ANKRD55: variants seen among roughly 807,000 people sequenced by gnomAD.
ANKRD55 encodes ankyrin repeat domain 55, also known as ankyrin repeat domain-containing protein 55.
ANKRD55 carries 41 observed loss-of-function variants against 60.6 expected under a neutral mutation model. That is an observed-to-expected ratio of 0.68 (90% CI 0.53 to 0.88). ANKRD55 has a LOEUF of 0.88. Among genes scored for constraint, ANKRD55 ranks in the 40% least tolerant of loss-of-function variants. ANKRD55 has a pLI of 0.00. For synonymous variants in ANKRD55, 264 were observed against 290.3 expected (o/e 0.91, Z 0.92); for missense variants, 732 against 767.6 (o/e 0.95, Z 0.55).
At chr5:56,128,741 C>A (rs953784083) in intron 7 of ANKRD55, among the ~76,000 whole-genome samples, 1 of 152,106 alleles carries the variant, frequency 6.6e-6, no homozygotes, top group Non-Finnish European at 1.5e-5. Context: ...TATTATTGTC[C>A]TCATATTGTA....
intron 2 of ANKRD55, among the ~76,000 whole-genome samples, chr5:56,229,723 T>C (rs10428644): frequency 0.039 from 5,977 of 152,260 alleles, 151 homozygotes; most frequent in African/African-American, 0.074. Context: ...CTGAAGGTCC[T>C]TCTGCATCAT....
chr5:56,114,417 C>T (rs1756829380), intron 9 of ANKRD55: 1 of 152,402 alleles, frequency 6.6e-6, no homozygotes, highest in Non-Finnish European at 1.5e-5. Context: ...TAGCCAATGA[C>T]AAAAGTCTAG....
At chr5:56,115,340 A>G (rs1281331987) in intron 9 of ANKRD55, among the ~76,000 whole-genome samples, 1 of 141,066 alleles carries the variant, frequency 7.1e-6, no homozygotes, top group Admixed American at 7.1e-5. Flanking sequence ...TTTTTTTTTG[A>G]GACGGTCTTG....
At chr5:56,117,539 C>T (rs113929638) in intron 8 of ANKRD55, among the ~76,000 whole-genome samples, 17,631 of 152,038 alleles carry the variant, frequency 0.12, 1,662 homozygotes, top group African/African-American at 0.25. Context: ...CTGCAACCTT[C>T]GCCTCCCAGG....
At chr5:56,192,863 C>G in intron 2 of ANKRD55, 1 of 664,312 alleles carries the variant, frequency 1.5e-6, no homozygotes, top group Non-Finnish European at 2.6e-6. Context: ...AAAGGCCAAA[C>G]ATGTCAAAGC....
intron 2 of ANKRD55, among the ~76,000 whole-genome samples, chr5:56,228,785 G>A (rs1760178172): frequency 6.6e-6 from 1 of 152,140 alleles, no homozygotes; most frequent in African/African-American, 2.4e-5. Context: ...ATAAATTTCT[G>A]TTGTTTTAAG....
intron 4 of ANKRD55, among the ~76,000 whole-genome samples, chr5:56,171,455 C>T (rs140361995): frequency 2.6e-5 from 4 of 152,316 alleles, no homozygotes; most frequent in South Asian, 2.1e-4. Context: ...GTCTCCTCCT[C>T]GGTCAACATT....
intron 4 of ANKRD55, among the ~76,000 whole-genome samples, chr5:56,173,562 CTCTCTCTCTCTCTCTCTCTCTATATATA>C (rs1561280788): frequency 3.4e-5 from 4 of 118,242 alleles, no homozygotes; most frequent in African/African-American, 1.4e-4. Flanking sequence ...CTCTCTCTCT[CTCTCTCTCTCTCTCTCTCTCTATATATA>C]TATATATATA....
chr5:56,114,999 G>A (rs1756843204), intron 9 of ANKRD55, among the ~76,000 whole-genome samples: 1 of 151,870 alleles, frequency 6.6e-6, no homozygotes, highest in Non-Finnish European at 1.5e-5. Context: ...AGCCTGGGTA[G>A]CATAGTGAGG....
chr5:56,159,461 TAA>T (rs138795262), intron 6 of ANKRD55, among the ~76,000 whole-genome samples: 9 of 141,828 alleles, frequency 6.3e-5, no homozygotes, highest in South Asian at 2.2e-4. Context: ...AACTCCATCT[TAA>T]AAAAAAAAAA....
chr5:56,111,905 C>T, intron 9 of ANKRD55, 123 bp from the exon 10 acceptor site: 3 of 901,444 alleles, frequency 3.3e-6, no homozygotes, highest in Non-Finnish European at 4.6e-6. Context: ...TCCTAGATAC[C>T]TCCAAAGCCT....
intron 5 of ANKRD55, chr5:56,161,999 C>G: frequency 1.0e-6 from 1 of 985,240 alleles, no homozygotes; most frequent in East Asian, 1.1e-4. Flanking sequence ...TGTGCTTCTC[C>G]TTTCTTTCTT....
At chr5:56,232,738 G>C in intron 2 of ANKRD55, 118 bp downstream of exon 2, 1 of 885,232 alleles carries the variant, frequency 1.1e-6, no homozygotes, top group Non-Finnish European at 1.7e-6. Context: ...GCACACCCAC[G>C]CACATGAACA....
intron 3 of ANKRD55, 109 bp from the exon 4 acceptor site, chr5:56,176,391 T>G: frequency 8.0e-7 from 1 of 1,245,956 alleles, no homozygotes; most frequent in South Asian, 1.3e-5. Flanking sequence ...CAAACCCAGC[T>G]GTTTGTATGG....
At chr5:56,103,179 C>T (rs1024268643) in intron 10 of ANKRD55, among the ~76,000 whole-genome samples, 1 of 152,190 alleles carries the variant, frequency 6.6e-6, no homozygotes, top group East Asian at 1.9e-4. Flanking sequence ...CTCAGGAAAC[C>T]TATTCTTTAA....
At chr5:56,110,343 G>T (rs950042814) in intron 10 of ANKRD55, among the ~76,000 whole-genome samples, 1 of 152,008 alleles carries the variant, frequency 6.6e-6, no homozygotes, top group Non-Finnish European at 1.5e-5. Flanking sequence ...AGGCTGCAGT[G>T]AGCCATGATT....
chr5:56,172,036 G>A (rs7732214), intron 4 of ANKRD55, among the ~76,000 whole-genome samples: 4,035 of 151,612 alleles, frequency 0.027, 201 homozygotes, highest in African/African-American at 0.093. Flanking sequence ...GGAGAATGGC[G>A]TGAACCCGGG....
chr5:56,141,024 T>A (rs6873385), intron 7 of ANKRD55, among the ~76,000 whole-genome samples: 29,440 of 151,722 alleles, frequency 0.19, 3,035 homozygotes, highest in Middle Eastern at 0.31. Flanking sequence ...GATCGCACCA[T>A]TGCACTCCAA....
intron 2 of ANKRD55, among the ~76,000 whole-genome samples, chr5:56,200,634 G>A (rs1379538380): frequency 6.6e-6 from 1 of 152,170 alleles, no homozygotes; most frequent in Non-Finnish European, 1.5e-5. Flanking sequence ...CTTTGGGAAA[G>A]CCCTTGACTG....
Sources: allele counts gnomAD v4.1 joint callset (sites outside exome capture counted in the v4.1 genomes callset), GRCh38; gene constraint gnomAD v4.1.1; transcripts MANE v1.5; gene names NCBI Gene and HGNC (gene_info 2026-07-23, HGNC 2026-07-21).